Variants in LINGO2 observed in about 807,000 individuals in gnomAD.
The protein encoded by LINGO2 is leucine-rich repeat and immunoglobulin-like domain-containing nogo receptor-interacting protein 2.
LINGO2 carries 14 observed loss-of-function variants against 30.6 expected under a neutral mutation model. The observed-to-expected ratio is 0.46, with a 90% CI of 0.30 to 0.72. The LOEUF (loss-of-function observed/expected upper bound fraction) is 0.72. Ranked by LOEUF, LINGO2 falls within the 30% of genes least tolerant of loss-of-function variation. The pLI is 0.07. For synonymous variants in LINGO2, 317 were observed against 288.5 expected, an observed-to-expected ratio of 1.10 and a Z score of -1.00; for missense variants, 729 against 751.7, an observed-to-expected ratio of 0.97 and a Z score of 0.35.
chr9:29,087,600 C>T, the LINGO2 span, among the ~76,000 whole-genome samples: 1 of 152,160 alleles, frequency 6.6e-6, no homozygotes, highest in East Asian at 1.9e-4. Flanking sequence ...CTCTCTCGCT[C>T]ATAGACCTCT....
At chr9:28,119,223 T>A (rs973968408) in intron 4 of LINGO2, among the ~76,000 whole-genome samples, 2 of 152,124 alleles carry the variant, frequency 1.3e-5, no homozygotes, top group African/African-American at 4.8e-5. Flanking sequence ...CCCAATAACC[T>A]TGTGAGGGTT....
the LINGO2 span, among the ~76,000 whole-genome samples, chr9:29,200,501 G>A: frequency 2.0e-5 from 3 of 151,976 alleles, no homozygotes; most frequent in Non-Finnish European, 4.4e-5. Flanking sequence ...GTAAAATATT[G>A]TTTGTTTTAT....
chr9:28,687,181 C>T, the LINGO2 span, among the ~76,000 whole-genome samples: 3 of 152,024 alleles, frequency 2.0e-5, no homozygotes, highest in East Asian at 1.9e-4. Flanking sequence ...CCAGACAACA[C>T]GTCATCTCCT....
the LINGO2 span, among the ~76,000 whole-genome samples, chr9:28,963,257 G>T: frequency 6.6e-6 from 1 of 151,860 alleles, no homozygotes; most frequent in Non-Finnish European, 1.5e-5. Flanking sequence ...ATTTAGCATT[G>T]AGTTTTTAAT....
the LINGO2 span, among the ~76,000 whole-genome samples, chr9:29,112,541 G>A: frequency 6.6e-6 from 1 of 152,084 alleles, no homozygotes; most frequent in Non-Finnish European, 1.5e-5. Flanking sequence ...CAGCCCTAAG[G>A]CATCTATTCA....
intron 1 of LINGO2, among the ~76,000 whole-genome samples, chr9:28,498,316 C>T (rs540075867): frequency 2.6e-5 from 4 of 152,292 alleles, no homozygotes; most frequent in Non-Finnish European, 5.9e-5. Flanking sequence ...CCAGTTCGAG[C>T]TTCCTGGCCA....
chr9:28,209,474 C>A (rs1820519255), intron 4 of LINGO2, among the ~76,000 whole-genome samples: 1 of 151,764 alleles, frequency 6.6e-6, no homozygotes, highest in Admixed American at 6.6e-5. Context: ...GCCATATTTT[C>A]TGAAATAAAA....
intron 4 of LINGO2, among the ~76,000 whole-genome samples, chr9:28,092,838 C>T (rs994059260): frequency 3.9e-5 from 6 of 152,050 alleles, no homozygotes; most frequent in Non-Finnish European, 7.4e-5. Flanking sequence ...TAATAGTGAA[C>T]ATTTTATGAC....
chr9:28,534,155 C>CTTTA (rs200311313), intron 1 of LINGO2, among the ~76,000 whole-genome samples: 5,164 of 152,034 alleles, frequency 0.034, 248 homozygotes, highest in African/African-American at 0.11. Context: ...TCTCATTCTG[C>CTTTA]TTTATTTATT....
chr9:28,090,218 C>T (rs1046411167), intron 4 of LINGO2, among the ~76,000 whole-genome samples: 3 of 152,118 alleles, frequency 2.0e-5, no homozygotes, highest in African/African-American at 7.2e-5. Flanking sequence ...TTTTATGAGG[C>T]CAGCATCATC....
chr9:27,983,954 C>T (rs182444762), intron 5 of LINGO2, among the ~76,000 whole-genome samples: 81 of 151,830 alleles, frequency 5.3e-4, no homozygotes, highest in Middle Eastern at 3.4e-3. Context: ...TTGCACAGTT[C>T]CAGGGCTGTG....
Position 28,598,621 on chromosome 9 carries a change from C to G in LINGO2, c.-365+71579G>C, listed in dbSNP as rs1348582036. On this transcript the variant is annotated intron_variant, in intron 1 of 5. Coordinates refer to ENST00000379992, the Ensembl canonical transcript of LINGO2. ...CCGCTTGCCAGTTCAGTGGTGTGAG[C>G]AGCCCAGTGGCCAGCTGTGTGATGT... The G allele has an allele frequency of 2.6e-5, 4 of 152,302 alleles. No individual in the cohort carries two copies. The East Asian group carries it at 7.8e-4, about 30-fold the overall frequency. 9.4% of individuals were successfully genotyped at this position (152,302 alleles called of 1,614,324 possible).
the LINGO2 span, among the ~76,000 whole-genome samples, chr9:29,014,161 C>G: frequency 1.3e-5 from 2 of 152,118 alleles, no homozygotes; most frequent in African/African-American, 4.8e-5. Context: ...TCCTCCAGAT[C>G]TTTAAAACAG....
At chr9:28,688,657 T>C in the LINGO2 span, among the ~76,000 whole-genome samples, 1 of 152,144 alleles carries the variant, frequency 6.6e-6, no homozygotes, top group Non-Finnish European at 1.5e-5. Flanking sequence ...AACTAATTAT[T>C]ACATTAATTT....
At chr9:28,975,447 A>G in the LINGO2 span, among the ~76,000 whole-genome samples, 98,371 of 151,472 alleles carry the variant, frequency 0.65, 32,513 homozygotes, top group Non-Finnish European at 0.72. Context: ...TTAGAAAAGA[A>G]GGCTACTGGC....
intron 5 of LINGO2, among the ~76,000 whole-genome samples, chr9:27,962,638 G>T (rs143316640): frequency 2.3e-4 from 35 of 152,214 alleles, no homozygotes; most frequent in African/African-American, 7.9e-4. Flanking sequence ...AACTGTGGAG[G>T]AATGTTGTGC....
chr9:28,007,444 C>T (rs1002643801), intron 5 of LINGO2, among the ~76,000 whole-genome samples: 2 of 152,054 alleles, frequency 1.3e-5, no homozygotes, highest in African/African-American at 4.8e-5. Context: ...GATTACTACT[C>T]CAAAAATGAA....
At chr9:28,236,210 A>G (rs984038996) in intron 4 of LINGO2, among the ~76,000 whole-genome samples, 1 of 152,180 alleles carries the variant, frequency 6.6e-6, no homozygotes, top group African/African-American at 2.4e-5. Context: ...AAAAATTTAC[A>G]TTAGAATAGT....
chr9:28,916,819 G>T, the LINGO2 span, among the ~76,000 whole-genome samples: 2 of 152,174 alleles, frequency 1.3e-5, no homozygotes, highest in Non-Finnish European at 2.9e-5. Context: ...TGGTTTACAG[G>T]TTCCATTTTA....
Sources: gnomAD v4.1 joint callset for allele counts (sites outside exome capture counted in the v4.1 genomes callset) on GRCh38, gnomAD v4.1.1 for gene constraint, MANE v1.5 for transcripts, NCBI Gene and HGNC (gene_info 2026-07-23, HGNC 2026-07-21) for gene names.